Variants in CNTN3 observed in about 807,000 individuals in gnomAD.
CNTN3 encodes the protein contactin-3.
CNTN3 carries 60 observed loss-of-function variants against 119.1 expected under a neutral mutation model. The ratio of observed to expected loss-of-function variants is 0.50; its 90% CI spans 0.41 to 0.62. The LOEUF (loss-of-function observed/expected upper bound fraction) is 0.62, where lower values mean the gene tolerates loss of function less well. Ranked by LOEUF, CNTN3 falls within the 20% of genes least tolerant of loss-of-function variation. CNTN3 has a pLI of 0.00. For missense variants in CNTN3, 1,101 were observed against 1,242.4 expected (o/e 0.89, Z 1.71); for synonymous variants, 450 against 438.7 (o/e 1.03, Z -0.32).
intron 18 of CNTN3, 62 bp from the exon 19 acceptor site, chr3:74,295,298 T>C: frequency 1.2e-6 from 1 of 823,724 alleles, no homozygotes; most frequent in Non-Finnish European, 2.0e-6. Flanking sequence ...AAACACAGAT[T>C]AATGTTCTTA....
In CNTN3 at chr3:74,371,307, T is replaced by A. The variant is rs201466963; in HGVS notation, c.547A>T (p.Ile183Leu). The change falls in exon 6 of 23, where the codon ATA becomes TTA. Residue 183 changes from isoleucine to leucine, a missense_variant. By Grantham distance (5) the Ile-to-Leu change is conservative (BLOSUM62 2). Coordinates refer to ENST00000263665, the MANE Select transcript of CNTN3 (RefSeq NM_020872.3). ...FVSQETGHLY[I>L]SKVEPSDVGN... ...ACATCAGACGGCTCCACCTTAGATATGTAGAGGTGCCCTGTCTCCTGGGAG... is the reference window on the plus strand; with the variant it reads ...ACATCAGACGGCTCCACCTTAGATAAGTAGAGGTGCCCTGTCTCCTGGGAG... 5.7e-5 allele frequency: 92 copies of A among 1,613,186 alleles called. No homozygotes were observed. The East Asian group carries it at 1.8e-3, about 32-fold the overall frequency.
chr3:74,592,404 CAG>C (rs1247010295), intron 1 of CNTN3, among the ~76,000 whole-genome samples: 2 of 151,776 alleles, frequency 1.3e-5, no homozygotes, highest in Non-Finnish European at 2.9e-5. Context: ...AGCTTCAAAT[CAG>C]ACTCAAGAAT....
At chr3:74,368,965 T>C (rs1704268447) in intron 8 of CNTN3, among the ~76,000 whole-genome samples, 1 of 152,130 alleles carries the variant, frequency 6.6e-6, no homozygotes, top group Non-Finnish European at 1.5e-5. Flanking sequence ...GCATGAATCA[T>C]TTTAAAATGC....
chr3:74,552,748 C>T (rs1267110678), intron 1 of CNTN3, among the ~76,000 whole-genome samples: 1 of 151,992 alleles, frequency 6.6e-6, no homozygotes, highest in Non-Finnish European at 1.5e-5. Flanking sequence ...TTCCCCCACG[C>T]TGTCCTTATG....
rs1274802474 is a variant in CNTN3 at position 74,579,364 on chromosome 3, C to CAA, written c.-81+35025_-81+35026dup. On this transcript the variant is annotated intron_variant, in intron 1 of 22. Transcript: ENST00000263665. ...TACAACAAGCAGATCCCACCCCCCT[C>CAA]AAAAAAAAAAAAAGACAGTAGAGAC... 1.9e-3 allele frequency among the ~76,000 whole-genome samples: 253 copies of CAA among 134,698 alleles called. 2 individuals carry two copies. The highest frequency in any genetic ancestry group is 6.6e-3 in the African/African-American group (242 of 36,790). The allele number at this position is 134,698 out of a possible 152,430, so 88.4% of individuals were successfully genotyped here. A position where few individuals can be genotyped will look rare whatever the true frequency, so the allele number is the denominator to read the frequency against.
chr3:74,288,159 C>CTTTTTTTTTTTT (rs3084509), intron 19 of CNTN3, among the ~76,000 whole-genome samples: 38 of 90,366 alleles, frequency 4.2e-4, no homozygotes, highest in African/African-American at 5.7e-4. Flanking sequence ...CTTTTCTTTT[C>CTTTTTTTTTTTT]TTTTTTTTTT....
chr3:74,380,331 T>G (rs1251418087), intron 5 of CNTN3, among the ~76,000 whole-genome samples: 1 of 152,232 alleles, frequency 6.6e-6, no homozygotes, highest in Non-Finnish European at 1.5e-5. Flanking sequence ...AATGTGCATT[T>G]TGGTGTGCAG....
rs186068190 is a variant in CNTN3 at position 74,273,148 on chromosome 3, T to G, written c.2705-5770A>C. ...ACAATTAAGTCATATATATAAAAAT[T>G]TTAGAACTTCCAAATTCTGTGTTTG... On this transcript the variant is annotated intron_variant, in intron 20 of 22. Transcript: ENST00000263665. Among the ~76,000 whole-genome samples, 57 of 152,252 alleles carry G rather than the reference T, an allele frequency of 3.7e-4. No individual in the cohort carries two copies. In the East Asian group the frequency reaches 0.01, roughly 27 times the overall value.
intron 1 of CNTN3, among the ~76,000 whole-genome samples, chr3:74,570,444 T>C (rs1193032767): frequency 6.6e-6 from 1 of 151,118 alleles, no homozygotes; most frequent in East Asian, 1.9e-4. Context: ...TCTTGATTTC[T>C]CTCAACCCTC....
chr3:74,336,489 A>G, intron 12 of CNTN3, 42 bp downstream of exon 12: 4 of 1,597,042 alleles, frequency 2.5e-6, no homozygotes, highest in Non-Finnish European at 3.4e-6. Context: ...TACATCTTAC[A>G]GTGAATCCGT....
At chr3:74,460,920 CCA>C (rs1360465560) in intron 4 of CNTN3, among the ~76,000 whole-genome samples, 1 of 148,986 alleles carries the variant, frequency 6.7e-6, no homozygotes, top group East Asian at 2.0e-4. Flanking sequence ...TGCCTTATTT[CCA>C]GTCTTATTAG....
At chr3:74,395,159 C>T (rs1243329175) in intron 5 of CNTN3, among the ~76,000 whole-genome samples, 1 of 152,090 alleles carries the variant, frequency 6.6e-6, no homozygotes, top group Non-Finnish European at 1.5e-5. Flanking sequence ...CCCTCAGCAT[C>T]ACAGGACAGG....
intron 11 of CNTN3, among the ~76,000 whole-genome samples, chr3:74,345,071 T>C (rs972061278): frequency 6.6e-6 from 1 of 152,216 alleles, no homozygotes; most frequent in Admixed American, 6.5e-5. Flanking sequence ...ATTGACATTT[T>C]CTTTTATGAT....
intron 5 of CNTN3, among the ~76,000 whole-genome samples, chr3:74,404,964 C>T (rs1157527140): frequency 6.6e-6 from 1 of 151,730 alleles, no homozygotes; most frequent in African/African-American, 2.4e-5. Flanking sequence ...TTCCCCTACT[C>T]TAAAAAAATC....
At chr3:74,284,917 G>C (rs531519061) in intron 20 of CNTN3, among the ~76,000 whole-genome samples, 1 of 152,096 alleles carries the variant, frequency 6.6e-6, no homozygotes, top group South Asian at 2.1e-4. Flanking sequence ...AGATAAAGAA[G>C]GAAAAATCAC....
rs145156311 is a variant in CNTN3, at chr3:74,504,872, C to T, written c.56-5087G>A. Among the ~76,000 whole-genome samples, 404 of 152,214 alleles carry T rather than the reference C, an allele frequency of 2.7e-3. 4 individuals are homozygous for T. The highest frequency in any genetic ancestry group is 9.1e-3 in the African/African-American group (378 of 41,548). Reference sequence around the variant, plus strand: ...AGGGTGTATTCATTTTCTAGGGTTGCTATAACAAAGTACCACAGACTGGGT... The same window carrying T: ...AGGGTGTATTCATTTTCTAGGGTTGTTATAACAAAGTACCACAGACTGGGT... On this transcript the variant is annotated intron_variant, in intron 2 of 22. Transcript: ENST00000263665.
intron 4 of CNTN3, among the ~76,000 whole-genome samples, chr3:74,456,914 G>GT (rs371436718): frequency 3.8e-4 from 58 of 151,864 alleles, no homozygotes; most frequent in Middle Eastern, 3.4e-3. Context: ...TTACCAATAA[G>GT]TTTTTTTTAT....
intron 2 of CNTN3, among the ~76,000 whole-genome samples, chr3:74,510,804 C>G (rs1703351137): frequency 1.3e-5 from 2 of 152,078 alleles, no homozygotes; most frequent in Admixed American, 6.6e-5. Flanking sequence ...AATCAACAAG[C>G]AATTCTTACT....
intron 11 of CNTN3, among the ~76,000 whole-genome samples, chr3:74,338,325 C>T (rs958958092): frequency 2.6e-5 from 4 of 151,380 alleles, no homozygotes; most frequent in African/African-American, 9.7e-5. Flanking sequence ...AAAAATGTTA[C>T]TACAAGGGTT....
Sources: allele counts gnomAD v4.1 joint callset (sites outside exome capture counted in the v4.1 genomes callset), GRCh38; gene constraint gnomAD v4.1.1; transcripts MANE v1.5; gene names NCBI Gene and HGNC (gene_info 2026-07-23, HGNC 2026-07-21).